The following SDK1 variants were observed in gnomAD, a reference collection of about 807,000 sequenced individuals.
The protein encoded by SDK1 is sidekick cell adhesion molecule 1.
SDK1 carries 157 observed loss-of-function variants against 245.5 expected under a neutral mutation model. The observed-to-expected ratio is 0.64, with a 90% CI of 0.56 to 0.73. The LOEUF is 0.73. Among genes scored for constraint, SDK1 ranks in the 30% least tolerant of loss-of-function variants. SDK1 has a pLI of 0.00. For missense variants in SDK1, 3,583 were observed against 3,002.3 expected (o/e 1.19, Z -4.52); for synonymous variants, 1,647 against 1,278.5 (o/e 1.29, Z -6.15).
intron 1 of SDK1, among the ~76,000 whole-genome samples, chr7:3,322,774 C>T (rs558544416): frequency 2.6e-5 from 4 of 152,166 alleles, no homozygotes; most frequent in Non-Finnish European, 1.5e-5. Flanking sequence ...CTCTTTTGCT[C>T]CCTTCTCTTC....
chr7:3,516,486 A>AT (rs1297762802), intron 1 of SDK1, among the ~76,000 whole-genome samples: 1 of 152,074 alleles, frequency 6.6e-6, no homozygotes, highest in Non-Finnish European at 1.5e-5. Flanking sequence ...TTAAAGAGCT[A>AT]TTTTTTACTG....
At position 3,841,567 on chromosome 7, in the gene SDK1, CTT is replaced by C. The variant is rs372034006; in HGVS notation, c.847+19988_847+19989del. Among the ~76,000 whole-genome samples the C allele has an allele frequency of 3.6e-4, 54 of 149,084 alleles. No homozygotes were observed. In the South Asian group the frequency reaches 0.01, roughly 29 times the overall value. ...AAGTATTATCAGATTATTTTTTTCT[CTT>C]TTTCTTTTTTTTTTTGAGACGGAGT... is the stretch of plus-strand genomic sequence containing the variant. On this transcript the variant is annotated intron_variant, in intron 5 of 44. Coordinates refer to ENST00000404826, the MANE Select transcript of SDK1 (RefSeq NM_152744.4).
rs192570231 is a variant in SDK1 at position 3,736,332 on chromosome 7, C to T, written c.714-85118C>T. ...TTTGTGAGACAGAGTCTTGCTCTGT[C>T]GCCCAGGCTGGAGTGCAGTGGCACG... On this transcript the variant is annotated intron_variant, in intron 4 of 44. Coordinates refer to ENST00000404826, the MANE Select transcript of SDK1 (RefSeq NM_152744.4). 5.3e-5 allele frequency among the ~76,000 whole-genome samples: 8 copies of T among 152,260 alleles called. No individual in the cohort carries two copies. In the East Asian group the frequency reaches 5.8e-4, roughly 11 times the overall value.
rs569796250 is a variant in SDK1, at chr7:3,512,974, A to G, written c.299-106106A>G. Reference sequence around the variant, plus strand: ...AATTATAAACAATATTGCCATTGAGATGATTGTGCCTGAAAACCTCCCCTG... The same window carrying G: ...AATTATAAACAATATTGCCATTGAGGTGATTGTGCCTGAAAACCTCCCCTG... On this transcript the variant is annotated intron_variant, in intron 1 of 44. Coordinates refer to ENST00000404826, the MANE Select transcript of SDK1 (RefSeq NM_152744.4). Among the ~76,000 whole-genome samples the G allele has an allele frequency of 2.6e-5, 4 of 152,278 alleles. No homozygotes were observed. In the South Asian group the frequency reaches 8.3e-4, roughly 32 times the overall value.
chr7:3,605,857 T>C (rs1355572529), intron 1 of SDK1, among the ~76,000 whole-genome samples: 1 of 152,190 alleles, frequency 6.6e-6, no homozygotes, highest in East Asian at 1.9e-4. Context: ...TTGTTTTGGT[T>C]CATTTAATTT....
intron 1 of SDK1, among the ~76,000 whole-genome samples, chr7:3,571,041 T>C (rs1260991337): frequency 6.6e-6 from 1 of 152,042 alleles, no homozygotes; most frequent in Non-Finnish European, 1.5e-5. Context: ...CCAAAATACA[T>C]TTACTTAATG....
intron 1 of SDK1, among the ~76,000 whole-genome samples, chr7:3,307,475 A>AT (rs1779445201): frequency 6.6e-6 from 1 of 152,216 alleles, no homozygotes; most frequent in Admixed American, 6.5e-5. Flanking sequence ...TTAGAGCTTC[A>AT]TTATGTGAAC....
chr7:3,628,086 C>T lies in SDK1; in HGVS notation c.458+8847C>T, dbSNP rs187504000. ...TCCTTAACTGCGCTCCCTTTGGCCA[C>T]GCATGAGTAAGGCCATAGTGTGACA... On this transcript the variant is annotated intron_variant, in intron 2 of 44. Coordinates refer to ENST00000404826, the MANE Select transcript of SDK1 (RefSeq NM_152744.4). 3.2e-4 allele frequency among the ~76,000 whole-genome samples: 49 copies of T among 152,210 alleles called. 2 individuals carry two copies. The East Asian group carries it at 7.2e-3, about 22-fold the overall frequency.
intron 28 of SDK1, among the ~76,000 whole-genome samples, chr7:4,139,721 A>ATGTGTGTG (rs1330952824): frequency 4.5e-5 from 5 of 110,764 alleles, no homozygotes; most frequent in Admixed American, 2.5e-4. Context: ...GTGTGTGTGT[A>ATGTGTGTG]TGTGTGTGTG....
chr7:4,144,855 T>C (rs550901576), intron 28 of SDK1, among the ~76,000 whole-genome samples: 1 of 151,966 alleles, frequency 6.6e-6, no homozygotes, highest in Non-Finnish European at 1.5e-5. Flanking sequence ...CAGCAGTTGA[T>C]TTTTTTTGGA....
intron 20 of SDK1, among the ~76,000 whole-genome samples, chr7:4,070,751 C>G (rs1044464522): frequency 9.9e-5 from 15 of 151,512 alleles, no homozygotes; most frequent in Non-Finnish European, 1.8e-4. Context: ...ACTCTGCAGC[C>G]CAGGATGGAG....
chr7:3,873,804 T>C (rs1488967452), intron 5 of SDK1, among the ~76,000 whole-genome samples: 3 of 152,200 alleles, frequency 2.0e-5, no homozygotes, highest in African/African-American at 7.2e-5. Flanking sequence ...CACTTAATTA[T>C]TTTTATAGTT....
chr7:3,635,040 C>T (rs34459868), intron 2 of SDK1, among the ~76,000 whole-genome samples: 3,750 of 152,260 alleles, frequency 0.025, 74 homozygotes, highest in Middle Eastern at 0.054. Context: ...TTCCCAAAAA[C>T]TTTTGTTGAC....
chr7:3,726,599 C>T (rs1425946316), intron 4 of SDK1, among the ~76,000 whole-genome samples: 2 of 152,210 alleles, frequency 1.3e-5, no homozygotes, highest in Non-Finnish European at 2.9e-5. Flanking sequence ...GTCGTTGAAT[C>T]ATCTCCAAGG....
At chr7:4,151,816 G>A (rs1014281168) in intron 30 of SDK1, among the ~76,000 whole-genome samples, 3 of 152,194 alleles carry the variant, frequency 2.0e-5, no homozygotes, top group African/African-American at 7.2e-5. Context: ...CTTAAGTAAC[G>A]CATATGCAGG....
chr7:4,014,220 G>A (rs2128150604), intron 16 of SDK1, among the ~76,000 whole-genome samples: 1 of 152,344 alleles, frequency 6.6e-6, no homozygotes, highest in South Asian at 2.1e-4. Flanking sequence ...CCGGGGCACA[G>A]AGTTTAATAA....
intron 1 of SDK1, among the ~76,000 whole-genome samples, chr7:3,393,649 C>T (rs1717753830): frequency 6.6e-6 from 1 of 152,134 alleles, no homozygotes; most frequent in Admixed American, 6.5e-5. Flanking sequence ...TTGCATTCTT[C>T]AGTACTTCAG....
chr7:3,678,233 G>A (rs1783970879), intron 4 of SDK1, among the ~76,000 whole-genome samples: 1 of 152,178 alleles, frequency 6.6e-6, no homozygotes, highest in African/African-American at 2.4e-5. Flanking sequence ...TGCTCAGAAA[G>A]TTAAAAATAC....
chr7:4,014,563 C>T (rs1026165583), intron 16 of SDK1, among the ~76,000 whole-genome samples: 6 of 152,108 alleles, frequency 3.9e-5, no homozygotes, highest in South Asian at 2.1e-4. Context: ...GTGTCAGATC[C>T]GAGGCACAAT....
Sources: gnomAD v4.1 joint callset for allele counts (sites outside exome capture counted in the v4.1 genomes callset) on GRCh38, gnomAD v4.1.1 for gene constraint, MANE v1.5 for transcripts, NCBI Gene and HGNC (gene_info 2026-07-23, HGNC 2026-07-21) for gene names.